The following FOXP1 variants were observed in gnomAD, a reference collection of about 807,000 sequenced individuals.
FOXP1 encodes forkhead box protein P1.
Under a neutral mutation model 98.2 loss-of-function variants are expected in FOXP1, and 15 were observed. That is an observed-to-expected ratio of 0.15 (90% confidence interval 0.10 to 0.24). FOXP1 has a LOEUF of 0.24. Ranked by LOEUF, FOXP1 falls within the 10% of genes least tolerant of loss-of-function variation. The pLI is 1.00. For synonymous variants in FOXP1, 371 were observed against 314.5 expected (o/e 1.18, Z -1.90); for missense variants, 633 against 848.5 (o/e 0.75, Z 3.15).
At chr3:71,542,932 C>T (rs941719949) in intron 2 of FOXP1, among the ~76,000 whole-genome samples, 4 of 152,204 alleles carry the variant, frequency 2.6e-5, no homozygotes, top group African/African-American at 7.2e-5. Context: ...ACTGCAGCTT[C>T]GCTCTCCGAG....
intron 3 of FOXP1, among the ~76,000 whole-genome samples, chr3:71,409,084 C>T (rs776350442): frequency 4.6e-5 from 7 of 152,178 alleles, no homozygotes; most frequent in Non-Finnish European, 8.8e-5. Flanking sequence ...TGAGCAGGCT[C>T]TCACTGCAGG....
At chr3:71,405,983 G>C (rs548557078) in intron 3 of FOXP1, among the ~76,000 whole-genome samples, 1 of 152,142 alleles carries the variant, frequency 6.6e-6, no homozygotes, top group East Asian at 1.9e-4. Flanking sequence ...ACCTGCCTCG[G>C]CCTCCCAAAG....
Position 71,268,004 on chromosome 3 carries a change from C to T in FOXP1, c.-12+31816G>A, listed in dbSNP as rs368871595. ...CTGTACCCTAGCCTGGGCGACAAAG[C>T]GAGACTCCGTCTCAAAAAAAAAAAA... On this transcript the variant is annotated intron_variant, in intron 5 of 20. Coordinates refer to ENST00000649528, the MANE Select transcript of FOXP1 (RefSeq NM_001349338.3). Among the ~76,000 whole-genome samples the T allele has an allele frequency of 6.6e-5, 8 of 121,386 alleles. No homozygotes were observed. In the East Asian group the frequency reaches 9.5e-4, roughly 14 times the overall value. 79.6% of individuals were successfully genotyped at this position (121,386 alleles called of 152,430 possible). A position where few individuals can be genotyped will look rare whatever the true frequency, so the allele number is the denominator to read the frequency against.
intron 7 of FOXP1, among the ~76,000 whole-genome samples, chr3:71,073,661 A>G (rs972777133): frequency 1.3e-5 from 2 of 152,146 alleles, no homozygotes; most frequent in African/African-American, 2.4e-5. Flanking sequence ...TTCTGTTATT[A>G]TTTTCCGAGG....
chr3:71,002,851 A>G (rs1426521122), intron 12 of FOXP1, among the ~76,000 whole-genome samples: 1 of 152,178 alleles, frequency 6.6e-6, no homozygotes, highest in African/African-American at 2.4e-5. Flanking sequence ...CTCTTGTCTC[A>G]CCTAGGATTC....
At chr3:71,047,150 AG>A (rs1370934302) in intron 9 of FOXP1, 55 bp from the exon 10 acceptor site, 2 of 1,598,594 alleles carry the variant, frequency 1.3e-6, no homozygotes, top group Non-Finnish European at 1.7e-6. Flanking sequence ...GAAGGTTAAA[AG>A]TATGGACACT....
At chr3:71,333,518 G>A (rs187662587) in intron 4 of FOXP1, 2 of 152,194 alleles carry the variant, frequency 1.3e-5, no homozygotes, top group East Asian at 3.9e-4. Flanking sequence ...AAGATATACG[G>A]CCTGAAAGAA....
At chr3:71,243,667 A>C (rs2067478194) in intron 5 of FOXP1, among the ~76,000 whole-genome samples, 1 of 152,222 alleles carries the variant, frequency 6.6e-6, no homozygotes, top group Non-Finnish European at 1.5e-5. Flanking sequence ...AAACTGTAGA[A>C]AGAAAATACA....
At chr3:70,996,997 T>A (rs143041016) in intron 13 of FOXP1, among the ~76,000 whole-genome samples, 4 of 152,314 alleles carry the variant, frequency 2.6e-5, no homozygotes, top group Non-Finnish European at 4.4e-5. Flanking sequence ...GTTTTTCAAG[T>A]TCAAGCTAAT....
rs1055763949 is a variant in FOXP1 at position 71,456,958 on chromosome 3, T to C, written c.-168+36468A>G. On this transcript the variant is annotated intron_variant, in intron 3 of 20. Transcript: ENST00000649528. ...TATCTGAGAGATGTGTCATTTACCC[T>C]TAAAGACAGCAGAATACACAAACAC... 3.9e-5 allele frequency among the ~76,000 whole-genome samples: 6 copies of C among 152,188 alleles called. No homozygotes were observed. The South Asian group carries it at 1.2e-3, about 32-fold the overall frequency.
chr3:71,478,883 A>C (rs749028630), intron 3 of FOXP1, among the ~76,000 whole-genome samples: 1 of 152,230 alleles, frequency 6.6e-6, no homozygotes, highest in Non-Finnish European at 1.5e-5. Context: ...ATGCCCAGTA[A>C]CATTGTGATT....
intron 11 of FOXP1, among the ~76,000 whole-genome samples, chr3:71,018,279 C>T (rs2044816374): frequency 2.0e-5 from 3 of 152,102 alleles, no homozygotes; most frequent in Admixed American, 6.6e-5. Context: ...GGACAGATAA[C>T]GACACACTAG....
intron 5 of FOXP1, among the ~76,000 whole-genome samples, chr3:71,200,771 G>C (rs937401944): frequency 6.6e-6 from 1 of 152,232 alleles, no homozygotes; most frequent in Non-Finnish European, 1.5e-5. Flanking sequence ...GTGACAACAG[G>C]GAAATTTCAA....
chr3:71,249,939 A>G (rs2068050939), intron 5 of FOXP1, among the ~76,000 whole-genome samples: 1 of 152,160 alleles, frequency 6.6e-6, no homozygotes, highest in Non-Finnish European at 1.5e-5. Context: ...TCTGAACGTA[A>G]TCACAGGTTT....
Position 71,389,910 on chromosome 3 carries a change from T to C in FOXP1, c.-167-30666A>G, listed in dbSNP as rs72628632. ...AATCTGTTTCCTCAAACCAAGGAAATGTGGGAAAAGGCCATCCTGCCAGTG... is the reference window on the plus strand; with the variant it reads ...AATCTGTTTCCTCAAACCAAGGAAACGTGGGAAAAGGCCATCCTGCCAGTG... On this transcript the variant is annotated intron_variant, in intron 3 of 20. Transcript: ENST00000649528. Among the ~76,000 whole-genome samples, 477 of 146,080 alleles carry C rather than the reference T, an allele frequency of 3.3e-3. 17 individuals are homozygous for C. In the East Asian group the frequency reaches 0.073, roughly 22 times the overall value.
intron 3 of FOXP1, among the ~76,000 whole-genome samples, chr3:71,475,673 T>C (rs2089764173): frequency 6.6e-6 from 1 of 151,972 alleles, no homozygotes; most frequent in African/African-American, 2.4e-5. Context: ...TGAAACTCCA[T>C]CTCTACTAAT....
chr3:71,582,767 C>T (rs888728071), intron 1 of FOXP1: 32 of 985,124 alleles, frequency 3.2e-5, no homozygotes, highest in Middle Eastern at 5.2e-4. Flanking sequence ...CGTAGGGGTG[C>T]GTGTCTGGCT....
intron 5 of FOXP1, among the ~76,000 whole-genome samples, chr3:71,243,976 A>T (rs1361397034): frequency 2.6e-5 from 4 of 152,230 alleles, no homozygotes; most frequent in African/African-American, 9.6e-5. Context: ...ATTAGACCAA[A>T]GGGGAAAAGA....
At chr3:71,583,969 G>A, upstream of FOXP1, 1 of 970,930 alleles carries the variant, frequency 1.0e-6, no homozygotes, top group Non-Finnish European at 1.2e-6. Flanking sequence ...CCGTTCGCCG[G>A]GGCGCTGGCG....
Sources: allele counts gnomAD v4.1 joint callset (sites outside exome capture counted in the v4.1 genomes callset), GRCh38; gene constraint gnomAD v4.1.1; transcripts MANE v1.5; gene names NCBI Gene and HGNC (gene_info 2026-07-23, HGNC 2026-07-21).